The following CIITA variants were observed in gnomAD, a reference collection of about 807,000 sequenced individuals.
CIITA encodes class II major histocompatibility complex transactivator.
CIITA carries 72 observed loss-of-function variants against 115.1 expected under a neutral mutation model. The observed-to-expected ratio is 0.63, with a 90% CI of 0.52 to 0.76. The LOEUF is 0.76. CIITA is among the 30% of genes least tolerant of loss of function. The pLI is 0.00. For missense variants in CIITA, 1,617 were observed against 1,463.8 expected (o/e 1.10, Z -1.71); for synonymous variants, 763 against 635.6 (o/e 1.20, Z -3.02).
At chr16:10,890,430 A>C (rs1304218020) in intron 1 of CIITA, among the ~76,000 whole-genome samples, 1 of 151,966 alleles carries the variant, frequency 6.6e-6, no homozygotes, top group Non-Finnish European at 1.5e-5. Flanking sequence ...GGTTCTACAG[A>C]TGCACATCAC....
At position 10,879,909 on chromosome 16, in the gene CIITA, G is replaced by A. The variant is rs2036247864; in HGVS notation, c.52+2527G>A. Among the ~76,000 whole-genome samples the A allele has an allele frequency of 6.6e-6, 1 of 152,192 alleles. No homozygotes were observed. Among genetic ancestry groups the A allele is most frequent in the Non-Finnish European group, 1.5e-5 (1 of 68,028 alleles). On this transcript the variant is annotated intron_variant, in intron 1 of 19. Transcript: ENST00000324288. The surrounding 1 kb of genome is among the most constrained non-coding windows in gnomAD (Gnocchi z 4.3). ...TCTCCACCCTAGGTGGCACAGGAGA[G>A]GTGGCAAAAGCCTAGAAGTTCAAGG...
Position 10,866,320 on chromosome 16 carries a change from G to A in CIITA, c.-21+1G>A, listed in dbSNP as rs563543500. 3.5e-6 allele frequency: 2 copies of A among 569,556 alleles called. No homozygotes were observed. The highest frequency in any genetic ancestry group is 3.7e-5 in the East Asian group (1 of 26,684). The allele number at this position is 569,556 out of a possible 1,614,324, so 35.3% of individuals were successfully genotyped here. ...CAACTTCCAGGCCATCCTGACTCAG[G>A]TGAGAATGCTGCTCTCCAGCCATCA... On this transcript the variant is annotated splice_donor_variant, in intron 1 of 5. Transcript: ENST00000636238. LOFTEE classifies it low-confidence loss of function (5UTR_SPLICE).
At chr16:10,885,222 G>GC (rs2036823573) in intron 1 of CIITA, among the ~76,000 whole-genome samples, 2 of 152,146 alleles carry the variant, frequency 1.3e-5, no homozygotes, top group Admixed American at 1.3e-4. Context: ...AGCCCCTGTG[G>GC]CACAGCTGAG....
At chr16:10,899,531 A>G (rs1229973474) in intron 5 of CIITA, among the ~76,000 whole-genome samples, 1 of 152,044 alleles carries the variant, frequency 6.6e-6, no homozygotes, top group African/African-American at 2.4e-5. Context: ...GACATATTTT[A>G]CGCCTTGCTC....
chr16:10,886,983 G>A (rs550122725), intron 1 of CIITA, among the ~76,000 whole-genome samples: 4 of 152,348 alleles, frequency 2.6e-5, no homozygotes, highest in African/African-American at 9.6e-5. Context: ...AAGGAACTGA[G>A]CTCAGTGACT....
In CIITA at chr16:10,902,048, C is replaced by T. The variant is rs142478532; in HGVS notation, c.492C>T (p.Pro164=). The stretch of plus-strand genomic sequence containing the variant: ...CCCACTTCCTCACAGCTGAGCCCCC[C>T]ACTGTGGTGACTGGCAGTCTCCTAG... ...DLKHWKPAEP[P]TVVTGSLLVG... is the part of the protein sequence containing the mutation. Residue 164 remains proline, a synonymous_variant, in exon 7 of 20, where the codon CCC becomes CCT. Transcript: ENST00000324288. 6.8e-6 allele frequency: 11 copies of T among 1,614,020 alleles called. No individual in the cohort carries two copies. Among genetic ancestry groups the T allele is most frequent in the Non-Finnish European group, 8.5e-6 (10 of 1,180,060 alleles).
At chr16:10,899,909 G>A (rs7498961) in intron 5 of CIITA, among the ~76,000 whole-genome samples, 9,517 of 151,892 alleles carry the variant, frequency 0.063, 403 homozygotes, top group East Asian at 0.17. Flanking sequence ...GTGAAACCGC[G>A]TCTCTACCAA....
In CIITA at chr16:10,922,454, C is replaced by T; in HGVS notation, c.3281C>T (p.Ala1094Val). The T allele has an allele frequency of 6.2e-7, 1 of 1,614,168 alleles. No homozygotes were observed. Among genetic ancestry groups the T allele is most frequent in the Non-Finnish European group, 8.5e-7 (1 of 1,180,016 alleles). Residue 1094 changes from alanine (A) to valine (V), a missense_variant, in exon 18 of 20, where the codon GCC (alanine) becomes GTC (valine). Physicochemically the swap from Ala to Val is moderately conservative, Grantham distance 64. Coordinates refer to ENST00000324288, the MANE Select transcript of CIITA (RefSeq NM_000246.4). Reference protein sequence around the residue: ...FTAAGAQQLAASLRRCPHVET... With the variant: ...FTAAGAQQLAVSLRRCPHVET... Reference sequence around the variant, plus strand: ...GCTGCCGGGGCCCAGCAGCTCGCTGCCAGCCTTCGGAGGTGTCCTCATGTG... The same window carrying T: ...GCTGCCGGGGCCCAGCAGCTCGCTGTCAGCCTTCGGAGGTGTCCTCATGTG...
At position 10,907,188 on chromosome 16, in the gene CIITA, C is replaced by G; in HGVS notation, c.1696C>G (p.Leu566Val). The change falls in exon 11 of 20, where the codon CTG becomes GTG. Residue 566 changes from leucine to valine, a missense_variant. Leu to Val is a conservative substitution (Grantham distance 32). Coordinates refer to ENST00000324288, the MANE Select transcript of CIITA (RefSeq NM_000246.4). This position sits in a 1 kb window ranked among gnomAD's most constrained non-coding sequence, Gnocchi z 5.0. ...GAGCAAGGCCGACGCCCTATTTGAG[C>G]TGTCCGGCTTCTCCATGGAGCAGGC... ...SLSKADALFE[L>V]SGFSMEQAQA... 1 of 1,613,436 alleles carries G rather than the reference C, an allele frequency of 6.2e-7. No homozygotes were observed. The highest frequency in any genetic ancestry group is 8.5e-7 in the Non-Finnish European group (1 of 1,179,960).
At position 10,895,247 on chromosome 16, in the gene CIITA, C is replaced by T. The variant is rs754030685; in HGVS notation, c.53-35C>T. The T allele has an allele frequency of 8.1e-6, 13 of 1,612,494 alleles. No individual in the cohort carries two copies. In the Admixed American group the frequency reaches 1.8e-4, roughly 23 times the overall value. ...TCAATTTTCTGCCTCTTTCCAACAC[C>T]CTGTGAGGTGACTGAGCATTGTCTT... On this transcript the variant is annotated intron_variant, in intron 1 of 19. Transcript: ENST00000324288.
upstream of CIITA, among the ~76,000 whole-genome samples, chr16:10,876,043 G>A (rs527651898): frequency 1.9e-3 from 282 of 152,090 alleles, no homozygotes; most frequent in African/African-American, 2.9e-3. Flanking sequence ...CCAGCTGCTC[G>A]GGAGGCTGAG....
rs577054993 is a variant in CIITA, at chr16:10,905,607, C to A, written c.1006+795C>A. ...GAAACCCCGTCTCCATTAAAAAATA[C>A]AAAAATTAGCCAGACGTGGTAGTGG... is the stretch of plus-strand genomic sequence containing the variant. On this transcript the variant is annotated intron_variant, in intron 10 of 19. Coordinates refer to ENST00000324288, the MANE Select transcript of CIITA (RefSeq NM_000246.4). Among the ~76,000 whole-genome samples the A allele has an allele frequency of 3.3e-5, 5 of 151,734 alleles. No individual in the cohort carries two copies. In the East Asian group the frequency reaches 7.8e-4, roughly 24 times the overall value.
At chr16:10,877,489 G>C in intron 1 of CIITA, 107 bp downstream of exon 1, 1 of 1,154,960 alleles carries the variant, frequency 8.7e-7, no homozygotes. Context: ...GGTGAGGATG[G>C]GAACAGGAGT....
At chr16:10,902,520 G>C in intron 7 of CIITA, 138 bp from the exon 8 acceptor site, 1 of 1,066,206 alleles carries the variant, frequency 9.4e-7, no homozygotes, top group Non-Finnish European at 1.4e-6. Flanking sequence ...ATTCCATCAG[G>C]GCAGGACAGA....
intron 5 of CIITA, 124 bp downstream of exon 5, chr16:10,899,126 T>A: frequency 2.3e-6 from 2 of 881,048 alleles, no homozygotes; most frequent in Non-Finnish European, 3.8e-6. Flanking sequence ...GGAGGCCCTT[T>A]AAAAGCCAAC....
chr16:10,938,168 A>G (rs923910094), downstream of CIITA: 1 of 152,178 alleles, frequency 6.6e-6, no homozygotes, highest in Admixed American at 6.5e-5. This position sits in a 1 kb window ranked among gnomAD's most constrained non-coding sequence, Gnocchi z 4.9. Flanking sequence ...TAATCCTCAC[A>G]ACAAGGGAGA....
At chr16:10,938,652 T>C (rs1316384940), downstream of CIITA, 3 of 152,202 alleles carry the variant, frequency 2.0e-5, no homozygotes, top group Non-Finnish European at 4.4e-5. The surrounding 1 kb of genome is among the most constrained non-coding windows in gnomAD (Gnocchi z 4.9). Flanking sequence ...ACCCTGGGGT[T>C]CTGAGCTTCC....
In CIITA at chr16:10,903,760, C is replaced by G. The variant is rs748582963; in HGVS notation, c.802C>G (p.Pro268Ala). 5.0e-6 allele frequency: 8 copies of G among 1,614,026 alleles called. No homozygotes were observed. The highest frequency in any genetic ancestry group is 1.7e-5 in the Admixed American group (1 of 59,994). The change falls in exon 9 of 20, where the codon CCT becomes GCT. Residue 268 changes from proline to alanine, a missense_variant. Physicochemically the swap from Pro to Ala is conservative, Grantham distance 27. Transcript: ENST00000324288. ...GEVPQASQVP[P>A]PSGFTVHGLP... The stretch of plus-strand genomic sequence containing the variant: ...GGTGCCCCAGGCCAGCCAAGTACCC[C>G]CTCCCAGTGGATTCACTGTCCACGG...
chr16:10,905,365 G>T (rs570657517), intron 10 of CIITA, among the ~76,000 whole-genome samples: 1 of 152,134 alleles, frequency 6.6e-6, no homozygotes, highest in African/African-American at 2.4e-5. Context: ...ACCCAGACAC[G>T]TGGGCTCCAC....
Sources: allele counts gnomAD v4.1 joint callset (sites outside exome capture counted in the v4.1 genomes callset), GRCh38; gene constraint gnomAD v4.1.1; non-coding constraint Gnocchi (gnomAD v3.1); transcripts MANE v1.5; gene names NCBI Gene and HGNC (gene_info 2026-07-23, HGNC 2026-07-21).